WDR17: variants seen among roughly 807,000 people sequenced by gnomAD.
WDR17 encodes the protein WD repeat-containing protein 17.
In WDR17, 143 loss-of-function variants were observed where a neutral mutation model predicts 161.7. The ratio of observed to expected loss-of-function variants is 0.88; its 90% CI spans 0.77 to 1.02. WDR17 has a LOEUF of 1.02. WDR17 is among the 50% of genes least tolerant of loss of function. The pLI is 0.00. For missense variants in WDR17, 1,469 were observed against 1,520.9 expected, an observed-to-expected ratio of 0.97 and a Z score of 0.57; for synonymous variants, 517 against 515.6, an observed-to-expected ratio of 1.00 and a Z score of -0.04.
chr4:176,073,048 G>A (rs954064980), intron 1 of WDR17, among the ~76,000 whole-genome samples: 1 of 151,930 alleles, frequency 6.6e-6, no homozygotes, highest in Non-Finnish European at 1.5e-5. Flanking sequence ...TCCTTCAAAT[G>A]TCTGCTCAGT....
At chr4:176,068,039 C>A (rs1325413508) in intron 1 of WDR17, among the ~76,000 whole-genome samples, 1 of 152,124 alleles carries the variant, frequency 6.6e-6, no homozygotes, top group Non-Finnish European at 1.5e-5. Flanking sequence ...TCCAGAATTT[C>A]TTTGAAATCT....
chr4:176,096,446 CATT>C (rs1185613182), intron 1 of WDR17: 102 of 1,241,580 alleles, frequency 8.2e-5, no homozygotes, highest in Non-Finnish European at 1.1e-4. Context: ...GGTTGAAACA[CATT>C]GTTGTTACTT....
Position 176,179,557 on chromosome 4 carries a change from G to A in WDR17, c.3830G>A (p.Gly1277Glu), listed in dbSNP as rs1751937903. The change falls in exon 29 of 29, where the codon GGA becomes GAA. Residue 1277 changes from glycine (G) to glutamate (E), a missense_variant. Coordinates refer to ENST00000508596, the MANE Select transcript of WDR17 (RefSeq NM_181265.4). Reference protein sequence around the residue: ...KVNPFSPLGTGIRLNPF With the variant: ...KVNPFSPLGTEIRLNPF ...AATCCATTCTCACCTTTAGGGACTG[G>A]AATACGACTCAATCCATTCTGATAG... 6.3e-7 allele frequency: 1 copy of A among 1,588,610 alleles called. No individual in the cohort carries two copies. Among genetic ancestry groups the A allele is most frequent in the Non-Finnish European group, 8.6e-7 (1 of 1,166,914 alleles).
intron 3 of WDR17, among the ~76,000 whole-genome samples, chr4:176,117,013 GT>G (rs778067621): frequency 1.3e-5 from 2 of 151,790 alleles, no homozygotes; most frequent in Non-Finnish European, 3.0e-5. Flanking sequence ...TATGTACCCT[GT>G]TTTTTATTTT....
rs1742243093 is a variant in WDR17, at chr4:176,125,118, A to G, written c.553A>G (p.Lys185Glu). 6.2e-7 allele frequency: 1 copy of G among 1,613,846 alleles called. No homozygotes were observed. Among genetic ancestry groups the G allele is most frequent in the Non-Finnish European group, 8.5e-7 (1 of 1,179,946 alleles). Residue 185 changes from lysine (K) to glutamate (E), a missense_variant, in exon 5 of 29, where the codon AAA becomes GAA. Transcript: ENST00000508596. ...TATTTTAACAGGTAATAAAAATCAG[A>G]AACATGTTTTGAGACCAGAATCTCT... is the stretch of plus-strand genomic sequence containing the variant. ...SIFHPGNKNQ[K>E]HVLRPESLEG... is the part of the protein sequence containing the mutation.
intron 2 of WDR17, among the ~76,000 whole-genome samples, chr4:176,114,398 A>T (rs1013268490): frequency 2.6e-5 from 4 of 152,144 alleles, no homozygotes; most frequent in African/African-American, 9.6e-5. Flanking sequence ...ATTATAGAAG[A>T]AAAAGCCTTA....
Position 176,125,234 on chromosome 4 carries a change from A to G in WDR17, c.669A>G (p.Gly223=). 1.9e-6 allele frequency: 3 copies of G among 1,614,172 alleles called. No homozygotes were observed. Among genetic ancestry groups the G allele is most frequent in the Non-Finnish European group, 2.5e-6 (3 of 1,180,010 alleles). ...TTCTAGTGGTTAATTTGCATTATGG[A>G]ATTCGCCTGGTAGATTCTGAATCAC... The part of the protein sequence containing the change: ...DYLLVVNLHY[G]IRLVDSESLS... Residue 223 remains glycine, a synonymous_variant, in exon 5 of 29, where the codon GGA becomes GGG. Coordinates refer to ENST00000508596, the MANE Select transcript of WDR17 (RefSeq NM_181265.4).
chr4:176,139,850 G>C (rs775129799), intron 9 of WDR17, 42 bp from the exon 10 acceptor site: 1 of 1,483,704 alleles, frequency 6.7e-7, no homozygotes, highest in African/African-American at 1.4e-5. Flanking sequence ...GAAAAAAGGG[G>C]TGAATTATTT....
intron 18 of WDR17, among the ~76,000 whole-genome samples, chr4:176,158,780 A>C (rs1164269342): frequency 1.3e-5 from 2 of 152,100 alleles, no homozygotes; most frequent in Non-Finnish European, 2.9e-5. Flanking sequence ...TTGAAAGCCA[A>C]CTCCTGATTT....
intron 3 of WDR17, among the ~76,000 whole-genome samples, chr4:176,118,144 T>C (rs1039136180): frequency 6.6e-6 from 1 of 152,194 alleles, no homozygotes. Context: ...ATAATAATAC[T>C]ACCTACCTAT....
intron 4 of WDR17, among the ~76,000 whole-genome samples, chr4:176,121,933 A>T (rs1741653585): frequency 6.6e-6 from 1 of 152,204 alleles, no homozygotes; most frequent in Non-Finnish European, 1.5e-5. Flanking sequence ...ACCAAGTGAA[A>T]CCATCTATAC....
intron 2 of WDR17, among the ~76,000 whole-genome samples, chr4:176,114,470 G>T (rs1021511093): frequency 1.3e-5 from 2 of 152,004 alleles, no homozygotes; most frequent in Non-Finnish European, 2.9e-5. Flanking sequence ...CATTATCTGC[G>T]ATGGCAAAAA....
intron 17 of WDR17, 52 bp from the exon 18 acceptor site, chr4:176,156,026 AC>A: frequency 6.4e-7 from 1 of 1,552,634 alleles, no homozygotes; most frequent in Non-Finnish European, 8.9e-7. Context: ...CTTAAGAATT[AC>A]ACAGAGCAAC....
chr4:176,160,233 G>T (rs2126846560), intron 19 of WDR17, 107 bp downstream of exon 19: 1 of 1,373,160 alleles, frequency 7.3e-7, no homozygotes, highest in South Asian at 1.8e-5. Flanking sequence ...AAGTCATAAA[G>T]GGCTTGGCTT....
At position 176,172,447 on chromosome 4, in the gene WDR17, A is replaced by G. The variant is rs1405989134; in HGVS notation, c.3175A>G (p.Thr1059Ala). ...TARADDNIFE[T>A]VKYYLLSQEP... ...CCGTGCAGATGACAATATATTTGAAACTGTAAAATATTACTTGTTAAGTCA... is the reference window on the plus strand; with the variant it reads ...CCGTGCAGATGACAATATATTTGAAGCTGTAAAATATTACTTGTTAAGTCA... The change falls in exon 24 of 29, where the codon ACT becomes GCT. Residue 1059 changes from threonine (T) to alanine (A), a missense_variant. By Grantham distance (58) the Thr-to-Ala change is moderately conservative. Transcript: ENST00000508596. The G allele has an allele frequency of 6.2e-7, 1 of 1,612,096 alleles. No individual in the cohort carries two copies. Among genetic ancestry groups the G allele is most frequent in the East Asian group, 2.2e-5 (1 of 44,812 alleles).
chr4:176,170,420 A>G (rs1750557780), intron 23 of WDR17, among the ~76,000 whole-genome samples: 1 of 149,760 alleles, frequency 6.7e-6, no homozygotes, highest in Non-Finnish European at 1.5e-5. Context: ...GGTTCAAGCG[A>G]TTCTCCTGCC....
intron 1 of WDR17, among the ~76,000 whole-genome samples, chr4:176,101,696 A>G (rs1020548242): frequency 2.0e-4 from 31 of 152,204 alleles, no homozygotes; most frequent in African/African-American, 7.5e-4. Context: ...TCAATGGAAC[A>G]GAATAGAGGG....
At chr4:176,127,496 A>G (rs1243999478) in intron 5 of WDR17, among the ~76,000 whole-genome samples, 5 of 152,026 alleles carry the variant, frequency 3.3e-5, no homozygotes, top group Non-Finnish European at 7.4e-5. Flanking sequence ...GTGTTTTACC[A>G]TGTTGGCCAG....
intron 1 of WDR17, among the ~76,000 whole-genome samples, chr4:176,107,707 G>T (rs1738979447): frequency 6.6e-6 from 1 of 151,790 alleles, no homozygotes; most frequent in Non-Finnish European, 1.5e-5. Context: ...ATGTTTCTTT[G>T]TCACTCTTGA....
Sources: gnomAD v4.1 joint callset for allele counts (sites outside exome capture counted in the v4.1 genomes callset) on GRCh38, gnomAD v4.1.1 for gene constraint, MANE v1.5 for transcripts, NCBI Gene and HGNC (gene_info 2026-07-23, HGNC 2026-07-21) for gene names.